IRAK1BP1: variants seen among roughly 807,000 people sequenced by gnomAD.
The protein encoded by IRAK1BP1 is interleukin-1 receptor-associated kinase 1-binding protein 1.
In IRAK1BP1, 24 loss-of-function variants were observed where a neutral mutation model predicts 28.0. The observed-to-expected ratio is 0.86, with a 90% CI of 0.62 to 1.20. The LOEUF is 1.20. Ranked by LOEUF, IRAK1BP1 falls within the 50% of genes most tolerant of loss-of-function variation. The pLI, the probability that IRAK1BP1 is intolerant of heterozygous loss-of-function variation, is 0.00. For missense variants in IRAK1BP1, 336 were observed against 316.7 expected (o/e 1.06, Z -0.46); for synonymous variants, 131 against 116.3 (o/e 1.13, Z -0.81).
At chr6:78,877,752 C>T (rs867300076) in intron 1 of IRAK1BP1, among the ~76,000 whole-genome samples, 4 of 152,280 alleles carry the variant, frequency 2.6e-5, no homozygotes, top group African/African-American at 7.2e-5. Context: ...CAAGGGAACC[C>T]GTGACAGACG....
rs1321837963 is a variant in IRAK1BP1, at chr6:78,902,953, C to G, written c.*4619C>G. 1 of 1,061,370 alleles carries G rather than the reference C, an allele frequency of 9.4e-7. No individual in the cohort carries two copies. The highest frequency in any genetic ancestry group is 1.4e-6 in the Non-Finnish European group (1 of 721,096). 65.7% of individuals were successfully genotyped at this position (1,061,370 alleles called of 1,614,324 possible). A position where few individuals can be genotyped will look rare whatever the true frequency, so the allele number is the denominator to read the frequency against. On this transcript the variant is annotated 3_prime_UTR_variant, in exon 4 of 4. Coordinates refer to ENST00000369940, the MANE Select transcript of IRAK1BP1 (RefSeq NM_001010844.4). ...TTTCTACTATTAAAACAATAAAACT[C>G]TTATAAACCTGTTTATCAGAAGGAT... is the stretch of plus-strand genomic sequence containing the variant.
At chr6:78,978,029 G>A in the IRAK1BP1 span, among the ~76,000 whole-genome samples, 2 of 152,052 alleles carry the variant, frequency 1.3e-5, no homozygotes, top group African/African-American at 4.8e-5. Context: ...TTAACCTTGA[G>A]TAAAAAATGT....
intron 2 of IRAK1BP1, among the ~76,000 whole-genome samples, chr6:78,897,013 G>A (rs139745505): frequency 0.021 from 3,141 of 151,914 alleles, 47 homozygotes; most frequent in Non-Finnish European, 0.03. Context: ...GTCTACAACC[G>A]CTAAGGTGGG....
At chr6:78,955,073 G>T in the IRAK1BP1 span, 1 of 919,238 alleles carries the variant, frequency 1.1e-6, no homozygotes. Context: ...TCAAACAAAA[G>T]AAAATATTCA....
At chr6:78,958,475 T>C in the IRAK1BP1 span, 3 of 1,488,302 alleles carry the variant, frequency 2.0e-6, no homozygotes, top group Non-Finnish European at 2.8e-6. Context: ...GATAACTTAC[T>C]TTATAAAATG....
At chr6:78,921,739 G>A (rs111653980) in intron 4 of IRAK1BP1, among the ~76,000 whole-genome samples, 3 of 152,168 alleles carry the variant, frequency 2.0e-5, no homozygotes, top group African/African-American at 4.8e-5. Context: ...CCAGAGGAAC[G>A]ATCAGGCAGC....
At chr6:78,877,565 G>A (rs1392814634) in intron 1 of IRAK1BP1, among the ~76,000 whole-genome samples, 2 of 152,172 alleles carry the variant, frequency 1.3e-5, no homozygotes, top group Non-Finnish European at 2.9e-5. Context: ...CAGCGTGAGC[G>A]ATGCAGAAGA....
Position 78,867,768 on chromosome 6 carries a change from C to T in IRAK1BP1, c.192C>T (p.Gly64=), listed in dbSNP as rs747153949. ...QVSGTSEVSA[G]PDRAQVVVRV... ...GCGGCACCTCAGAAGTGTCTGCGGG[C>T]CCTGACCGGGCGCAGGTGGTGGTGC... The change falls in exon 1 of 4, where the codon GGC becomes GGT. Residue 64 remains glycine, a synonymous_variant. Transcript: ENST00000369940. The T allele has an allele frequency of 6.2e-7, 1 of 1,613,778 alleles. No individual in the cohort carries two copies. Among genetic ancestry groups the T allele is most frequent in the South Asian group, 1.1e-5 (1 of 91,056 alleles).
chr6:78,873,281 A>AAT (rs1770858980), intron 1 of IRAK1BP1, among the ~76,000 whole-genome samples: 2 of 148,792 alleles, frequency 1.3e-5, no homozygotes, highest in Non-Finnish European at 3.0e-5. Flanking sequence ...AAAAAAAAAA[A>AAT]GATTGTAAAT....
chr6:78,937,044 G>C (rs1039028883), intron 4 of IRAK1BP1: 5 of 151,746 alleles, frequency 3.3e-5, no homozygotes, highest in Middle Eastern at 3.2e-3. Flanking sequence ...GGAGTAATCA[G>C]ATGATAAAAC....
chr6:78,896,634 T>C (rs563837428), intron 2 of IRAK1BP1, among the ~76,000 whole-genome samples: 2 of 152,174 alleles, frequency 1.3e-5, no homozygotes, highest in African/African-American at 4.8e-5. Context: ...ATTTTTGTTA[T>C]GGTGGTTACA....
At chr6:78,916,445 TTGGCAGTGTGG>T (rs1239818602) in intron 4 of IRAK1BP1, among the ~76,000 whole-genome samples, 1 of 152,090 alleles carries the variant, frequency 6.6e-6, no homozygotes, top group East Asian at 1.9e-4. Flanking sequence ...GTCAACTAAT[TTGGCAGTGTGG>T]TGGGGGGAGG....
At chr6:78,963,175 C>G in the IRAK1BP1 span, 1 of 1,611,752 alleles carries the variant, frequency 6.2e-7, no homozygotes, top group Non-Finnish European at 8.5e-7. Context: ...CATTCTCCAT[C>G]AAGAGGTTTA....
At chr6:78,874,129 G>GTTTTTC (rs1375692470) in intron 1 of IRAK1BP1, among the ~76,000 whole-genome samples, 1 of 152,136 alleles carries the variant, frequency 6.6e-6, no homozygotes, top group East Asian at 1.9e-4. Flanking sequence ...AAAAACAATA[G>GTTTTTC]TCTTTGTTTC....
chr6:78,940,006 G>C (rs1342107035), intron 4 of IRAK1BP1: 1 of 152,368 alleles, frequency 6.6e-6, no homozygotes, highest in East Asian at 1.9e-4. Context: ...TAAGAATCAA[G>C]GTCTGAAAAA....
At chr6:78,922,563 A>C (rs1053566618) in intron 4 of IRAK1BP1, among the ~76,000 whole-genome samples, 2 of 152,202 alleles carry the variant, frequency 1.3e-5, no homozygotes, top group Non-Finnish European at 2.9e-5. Flanking sequence ...AATTCAGGAA[A>C]TACAGAGAGT....
chr6:78,921,167 T>G (rs1207702750), intron 4 of IRAK1BP1, among the ~76,000 whole-genome samples: 1 of 152,200 alleles, frequency 6.6e-6, no homozygotes. Flanking sequence ...GGGAATTCCC[T>G]TTCCTAGCCA....
chr6:78,873,721 T>C (rs1770883494), intron 1 of IRAK1BP1, among the ~76,000 whole-genome samples: 1 of 152,192 alleles, frequency 6.6e-6, no homozygotes, highest in South Asian at 2.1e-4. Context: ...TCCTCTCACC[T>C]TGCCCTCCTG....
chr6:78,945,546 G>A (rs1489609893), exon 5 of IRAK1BP1: 8 of 1,168,756 alleles, frequency 6.8e-6, no homozygotes, highest in Admixed American at 5.8e-5. Flanking sequence ...TGAACCTAAA[G>A]ATAAGAAAAA....
Sources: gnomAD v4.1 joint callset for allele counts (sites outside exome capture counted in the v4.1 genomes callset) on GRCh38, gnomAD v4.1.1 for gene constraint, MANE v1.5 for transcripts, NCBI Gene and HGNC (gene_info 2026-07-23, HGNC 2026-07-21) for gene names.